APH1B: variants seen among roughly 807,000 people sequenced by gnomAD.
The protein encoded by APH1B is gamma-secretase subunit APH-1B.
APH1B carries 27 observed loss-of-function variants against 28.2 expected under a neutral mutation model. The ratio of observed to expected loss-of-function variants is 0.96; its 90% CI spans 0.70 to 1.32. The LOEUF is 1.32. Ranked by LOEUF, APH1B falls within the 40% of genes most tolerant of loss-of-function variation. The probability of loss-of-function intolerance (pLI) is 0.00; values close to 1 mark genes in which losing one functional copy is unlikely to be tolerated. For missense variants in APH1B, 305 were observed against 313.6 expected (o/e 0.97, Z 0.21); for synonymous variants, 141 against 124.6 (o/e 1.13, Z -0.88).
intron 4 of APH1B, among the ~76,000 whole-genome samples, chr15:63,295,626 T>G (rs569072777): frequency 3.5e-4 from 53 of 152,338 alleles, no homozygotes; most frequent in Non-Finnish European, 5.9e-5. Flanking sequence ...ATGTGTGTTA[T>G]GGGGTGTTTA....
intron 4 of APH1B, among the ~76,000 whole-genome samples, chr15:63,295,247 C>A (rs545883140): frequency 6.6e-6 from 1 of 152,310 alleles, no homozygotes; most frequent in South Asian, 2.1e-4. Flanking sequence ...TTTGTGAAGT[C>A]AGTGAAGCAT....
At chr15:63,291,025 A>G (rs1190750289) in intron 4 of APH1B, among the ~76,000 whole-genome samples, 1 of 151,090 alleles carries the variant, frequency 6.6e-6, no homozygotes, top group Non-Finnish European at 1.5e-5. Context: ...TCACAGGGCA[A>G]AGGAAGTCTT....
chr15:63,277,769 G>C (rs768731771), intron 1 of APH1B, 33 bp downstream of exon 1: 1 of 1,590,040 alleles, frequency 6.3e-7, no homozygotes, highest in African/African-American at 1.4e-5. Context: ...CCCGGACGCC[G>C]GGGCTCCCCT....
intron 1 of APH1B, 76 bp downstream of exon 1, chr15:63,277,812 CCCCACCGCGCGGCTCGACCTTGTTGCG>C: frequency 7.1e-7 from 1 of 1,413,374 alleles, no homozygotes; most frequent in Non-Finnish European, 9.8e-7. Flanking sequence ...CCCTCGGCGC[CCCCACCGCGCGGCTCGACCTTGTTGCG>C]TTTCAGACGG....
Position 63,305,775 on chromosome 15 carries a change from C to T in APH1B, c.768C>T (p.Ser256=). 1 of 1,613,528 alleles carries T rather than the reference C, an allele frequency of 6.2e-7. No individual in the cohort carries two copies. Among genetic ancestry groups the T allele is most frequent in the Non-Finnish European group, 8.5e-7 (1 of 1,179,870 alleles). The part of the protein sequence containing the change: ...DKNFLLYNQR[S]R Reference sequence around the variant, plus strand: ...ACTTTCTTCTTTACAACCAGCGCTCCAGATAACCTCAGGGAACCAGCACTT... The same window carrying T: ...ACTTTCTTCTTTACAACCAGCGCTCTAGATAACCTCAGGGAACCAGCACTT... The change falls in exon 6 of 6, where the codon TCC becomes TCT. Residue 256 remains serine (S), a synonymous_variant. Transcript: ENST00000261879.
At chr15:63,287,389 G>A in intron 3 of APH1B, 35 bp from the exon 4 acceptor site, 2 of 1,608,076 alleles carry the variant, frequency 1.2e-6, no homozygotes, top group Non-Finnish European at 8.5e-7. Context: ...AATCTTGGCA[G>A]GAAAAGAGTT....
At chr15:63,279,116 C>T (rs1483534741) in intron 1 of APH1B, 45 bp from the exon 2 acceptor site, 7 of 1,439,326 alleles carry the variant, frequency 4.9e-6, no homozygotes, top group Non-Finnish European at 5.7e-6. Context: ...CATTATTAAT[C>T]CTGTACTGAT....
intron 4 of APH1B, among the ~76,000 whole-genome samples, chr15:63,288,748 G>C (rs1175036989): frequency 1.3e-5 from 2 of 152,142 alleles, no homozygotes; most frequent in Non-Finnish European, 2.9e-5. Context: ...TTCATCATTG[G>C]CATATTTCTG....
chr15:63,302,276 G>C lies in APH1B; in HGVS notation c.479-69G>C, dbSNP rs1475567692. The C allele has an allele frequency of 3.8e-6, 6 of 1,570,726 alleles. No individual in the cohort carries two copies. In the African/African-American group the frequency reaches 4.1e-5, roughly 11 times the overall value. On this transcript the variant is annotated intron_variant, in intron 4 of 5. Coordinates refer to ENST00000261879, the MANE Select transcript of APH1B (RefSeq NM_031301.4). ...TGTGGTGGACACCCCGAGAGCCCGT[G>C]CACAGTGCCAGGGTCCTCAGTGGTT...
At chr15:63,300,962 C>G (rs572073572) in intron 4 of APH1B, among the ~76,000 whole-genome samples, 1 of 152,326 alleles carries the variant, frequency 6.6e-6, no homozygotes, top group South Asian at 2.1e-4. Context: ...TTATTACAGA[C>G]AGTGCTGACT....
At chr15:63,286,510 CTTTTTT>C in intron 2 of APH1B, 42 bp from the exon 3 acceptor site, 1 of 1,242,306 alleles carries the variant, frequency 8.0e-7, no homozygotes, top group South Asian at 1.4e-5. Context: ...ATTGCTCTTC[CTTTTTT>C]TTTTTTTTTT....
intron 1 of APH1B, 142 bp downstream of exon 1, chr15:63,277,878 A>T: frequency 9.7e-6 from 8 of 821,280 alleles, no homozygotes; most frequent in Non-Finnish European, 1.5e-5. Context: ...GAGAGCGGAG[A>T]TCCGGCTCCC....
chr15:63,285,521 G>A (rs1395336015), intron 2 of APH1B, among the ~76,000 whole-genome samples: 1 of 152,208 alleles, frequency 6.6e-6, no homozygotes, highest in Non-Finnish European at 1.5e-5. Flanking sequence ...AGTGATGCTA[G>A]TAGAATTGAC....
intron 4 of APH1B, among the ~76,000 whole-genome samples, chr15:63,296,975 G>A (rs904055362): frequency 9.2e-5 from 14 of 152,152 alleles, no homozygotes; most frequent in Admixed American, 2.6e-4. Flanking sequence ...ACACTGAAAC[G>A]TTTTGCTTAG....
intron 5 of APH1B, among the ~76,000 whole-genome samples, chr15:63,302,975 T>C (rs963717468): frequency 6.6e-6 from 1 of 152,150 alleles, no homozygotes; most frequent in African/African-American, 2.4e-5. Flanking sequence ...CCAGTAAATG[T>C]TGGTGTATAT....
chr15:63,277,628 C>CT lies in APH1B; in HGVS notation c.6dup (p.Ala3CysfsTer59). The CT allele has an allele frequency of 6.3e-7, 1 of 1,577,482 alleles. No homozygotes were observed. Among genetic ancestry groups the CT allele is most frequent in the Non-Finnish European group, 8.6e-7 (1 of 1,161,132 alleles). On this transcript the variant is annotated frameshift_variant, in exon 1 of 6. Transcript: ENST00000261879. LOFTEE classifies it high-confidence loss of function. ...GGGTCGGTTTCCGCGGTGGCCATGA[C>CT]TGCGGCCGTGTTCTTCGGCTGCGCC...
At position 63,302,342 on chromosome 15, in the gene APH1B, C is replaced by T; in HGVS notation, c.479-3C>T. On this transcript the variant is annotated splice_polypyrimidine_tract_variant and splice_region_variant and intron_variant, in intron 4 of 5. Transcript: ENST00000261879. Reference sequence around the variant, plus strand: ...GTGACACTAATGGTCGGCTCTCTTTCAGCTTTCATGACGCTGGTCATTATC... The same window carrying T: ...GTGACACTAATGGTCGGCTCTCTTTTAGCTTTCATGACGCTGGTCATTATC... The T allele has an allele frequency of 6.2e-7, 1 of 1,613,574 alleles. No homozygotes were observed. The highest frequency in any genetic ancestry group is 1.1e-5 in the South Asian group (1 of 90,984).
intron 2 of APH1B, among the ~76,000 whole-genome samples, chr15:63,285,071 T>A (rs967807922): frequency 6.6e-6 from 1 of 152,224 alleles, no homozygotes; most frequent in African/African-American, 2.4e-5. Context: ...AGATGGTCAC[T>A]TAAATTTCTG....
At chr15:63,302,493 C>T in intron 5 of APH1B, 21 bp downstream of exon 5, 1 of 1,609,478 alleles carries the variant, frequency 6.2e-7, no homozygotes, top group East Asian at 2.2e-5. Context: ...CCGCCATGCT[C>T]AGACTGTATT....
Sources: allele counts gnomAD v4.1 joint callset (sites outside exome capture counted in the v4.1 genomes callset), GRCh38; gene constraint gnomAD v4.1.1; transcripts MANE v1.5; gene names NCBI Gene and HGNC (gene_info 2026-07-23, HGNC 2026-07-21).